Variants in BMPR1B observed in about 807,000 individuals in gnomAD.
BMPR1B encodes the protein bone morphogenetic protein receptor type 1B, also known as bone morphogenetic protein receptor type-1B.
In BMPR1B, 12 loss-of-function variants were observed where a neutral mutation model predicts 59.1. The observed-to-expected ratio is 0.20, with a 90% CI of 0.13 to 0.33. The LOEUF (loss-of-function observed/expected upper bound fraction) is 0.33. BMPR1B is among the 10% of genes least tolerant of loss of function. The probability of loss-of-function intolerance (pLI) is 1.00; values close to 1 mark genes in which losing one functional copy is unlikely to be tolerated. For synonymous variants in BMPR1B, 237 were observed against 207.3 expected (o/e 1.14, Z -1.23); for missense variants, 550 against 610.9 (o/e 0.90, Z 1.05).
chr4:94,805,868 A>G (rs1162315916), intron 1 of BMPR1B, among the ~76,000 whole-genome samples: 3 of 152,184 alleles, frequency 2.0e-5, no homozygotes, highest in South Asian at 2.1e-4. Flanking sequence ...GAAAAGTTAT[A>G]TATAGAATGA....
At chr4:94,974,485 A>G (rs555346122) in intron 2 of BMPR1B, among the ~76,000 whole-genome samples, 3 of 152,160 alleles carry the variant, frequency 2.0e-5, no homozygotes, top group East Asian at 3.9e-4. Flanking sequence ...TCCTGAAATC[A>G]CTGATGCAGG....
Position 95,123,830 on chromosome 4 carries a change from C to T in BMPR1B, c.370C>T (p.His124Tyr), listed in dbSNP as rs759803347. The T allele has an allele frequency of 5.8e-5, 94 of 1,610,526 alleles. No individual in the cohort carries two copies. The highest frequency in any genetic ancestry group is 7.9e-5 in the Non-Finnish European group (93 of 1,178,100). ...KNRDFVDGPI[H>Y]HRALLISVTV... is the part of the protein sequence containing the mutation. ...TTCAGATTTTGTTGATGGACCTATACACCACAGGGCTTTACTTATATCTGT... is the reference window on the plus strand; with the variant it reads ...TTCAGATTTTGTTGATGGACCTATATACCACAGGGCTTTACTTATATCTGT... The change falls in exon 7 of 13, where the codon CAC becomes TAC. Residue 124 changes from histidine (H) to tyrosine (Y), a missense_variant. Transcript: ENST00000515059.
chr4:94,787,481 A>C (rs934160674), intron 1 of BMPR1B, among the ~76,000 whole-genome samples: 5 of 152,142 alleles, frequency 3.3e-5, no homozygotes, highest in Non-Finnish European at 7.4e-5. Flanking sequence ...TGAAGATTGG[A>C]AGGACAGTGA....
At position 94,854,415 on chromosome 4, in the gene BMPR1B, A is replaced by ATC. The variant is rs1156379109; in HGVS notation, c.-182-21416_-182-21415insTC. Among the ~76,000 whole-genome samples, 3 of 152,282 alleles carry ATC rather than the reference A, an allele frequency of 2.0e-5. No homozygotes were observed. In the East Asian group the frequency reaches 5.8e-4, roughly 29 times the overall value. ...GCATATTTACAAATGAAGGCTGAAA[A>ATC]AGTTTTGTTGTATCAGTGACTCAGA... On this transcript the variant is annotated intron_variant, in intron 1 of 12. Coordinates refer to ENST00000515059, the MANE Select transcript of BMPR1B (RefSeq NM_001203.3).
chr4:95,053,941 TATTA>T (rs924991519), intron 3 of BMPR1B, among the ~76,000 whole-genome samples: 1 of 152,200 alleles, frequency 6.6e-6, no homozygotes, highest in African/African-American at 2.4e-5. Context: ...CCTTTACAAT[TATTA>T]ATTCTGCGTC....
At chr4:95,106,867 G>A (rs1731231862) in intron 4 of BMPR1B, among the ~76,000 whole-genome samples, 1 of 151,828 alleles carries the variant, frequency 6.6e-6, no homozygotes. Flanking sequence ...ACTCTGCTGG[G>A]ATTAGGTGGG....
intron 2 of BMPR1B, among the ~76,000 whole-genome samples, chr4:94,939,522 A>G (rs754704237): frequency 1.3e-5 from 2 of 152,140 alleles, no homozygotes; most frequent in African/African-American, 4.8e-5. Context: ...GTAGTGTACT[A>G]GTTTGTGCTT....
At chr4:94,942,017 C>A (rs1256031203) in intron 2 of BMPR1B, among the ~76,000 whole-genome samples, 1 of 152,122 alleles carries the variant, frequency 6.6e-6, no homozygotes, top group Non-Finnish European at 1.5e-5. Context: ...TTGGCACAGG[C>A]AAAAGACCAG....
At chr4:94,828,909 AAAG>A (rs1351626576) in intron 1 of BMPR1B, among the ~76,000 whole-genome samples, 1 of 152,166 alleles carries the variant, frequency 6.6e-6, no homozygotes, top group African/African-American at 2.4e-5. Flanking sequence ...TATGCTTTTA[AAAG>A]AAGGCCCTTC....
intron 1 of BMPR1B, among the ~76,000 whole-genome samples, chr4:94,766,191 T>C (rs773243295): frequency 5.3e-4 from 80 of 152,116 alleles, no homozygotes; most frequent in Non-Finnish European, 1.0e-3. Flanking sequence ...ATATTGACAG[T>C]CCCCAAAAGT....
intron 2 of BMPR1B, among the ~76,000 whole-genome samples, chr4:94,956,309 A>G (rs1730138814): frequency 6.6e-6 from 1 of 151,950 alleles, no homozygotes; most frequent in South Asian, 2.1e-4. Flanking sequence ...GCTTCAAGTG[A>G]TCCTCCCACC....
chr4:94,836,602 ATTGT>A, intron 1 of BMPR1B, among the ~76,000 whole-genome samples: 1 of 133,230 alleles, frequency 7.5e-6, no homozygotes, highest in African/African-American at 2.8e-5. Context: ...TTTTGATGGG[ATTGT>A]TTGTTTTTTT....
intron 3 of BMPR1B, among the ~76,000 whole-genome samples, chr4:95,096,133 A>C (rs1730358869): frequency 6.6e-6 from 1 of 151,072 alleles, no homozygotes; most frequent in Admixed American, 6.6e-5. Flanking sequence ...GAACTGATTA[A>C]GTTATATACA....
At chr4:95,083,148 C>G (rs1355978794) in intron 3 of BMPR1B, among the ~76,000 whole-genome samples, 1 of 151,328 alleles carries the variant, frequency 6.6e-6, no homozygotes, top group African/African-American at 2.4e-5. Flanking sequence ...TCAGGGCATG[C>G]AGGTACAACA....
At chr4:94,768,676 A>C (rs1266907211) in intron 1 of BMPR1B, among the ~76,000 whole-genome samples, 1 of 152,140 alleles carries the variant, frequency 6.6e-6, no homozygotes, top group Admixed American at 6.5e-5. Flanking sequence ...AAGTTAGAGT[A>C]AGTGGAATGA....
chr4:94,805,774 A>G (rs1277607467), intron 1 of BMPR1B, among the ~76,000 whole-genome samples: 2 of 152,156 alleles, frequency 1.3e-5, no homozygotes, highest in East Asian at 1.9e-4. Flanking sequence ...TTAACCTACA[A>G]AGACTGGGAA....
At chr4:95,108,888 C>T (rs753955762) in intron 4 of BMPR1B, among the ~76,000 whole-genome samples, 2 of 152,080 alleles carry the variant, frequency 1.3e-5, no homozygotes, top group African/African-American at 4.8e-5. Flanking sequence ...GGATGACAGA[C>T]CATCACTGCA....
chr4:95,008,818 A>G (rs1260538476), intron 3 of BMPR1B, among the ~76,000 whole-genome samples: 1 of 152,192 alleles, frequency 6.6e-6, no homozygotes, highest in Non-Finnish European at 1.5e-5. Flanking sequence ...AGGAATTTCA[A>G]AAAGAGAAAA....
intron 10 of BMPR1B, among the ~76,000 whole-genome samples, chr4:95,137,763 A>G (rs892583011): frequency 2.6e-5 from 4 of 152,086 alleles, no homozygotes; most frequent in African/African-American, 9.7e-5. Flanking sequence ...TGCTTGGTAC[A>G]TCTTCCTCCA....
Sources: allele counts gnomAD v4.1 joint callset (sites outside exome capture counted in the v4.1 genomes callset), GRCh38; gene constraint gnomAD v4.1.1; transcripts MANE v1.5; gene names NCBI Gene and HGNC (gene_info 2026-07-23, HGNC 2026-07-21).